Variants in SEMA3A observed in about 807,000 individuals in gnomAD.
SEMA3A encodes the protein semaphorin-3A.
In SEMA3A, 29 loss-of-function variants were observed where a neutral mutation model predicts 97.9. The observed-to-expected ratio is 0.30, with a 90% CI of 0.22 to 0.40. SEMA3A has a LOEUF of 0.40. SEMA3A is among the 10% of genes least tolerant of loss of function. The pLI, the probability that SEMA3A is intolerant of heterozygous loss-of-function variation, is 1.00. For missense variants in SEMA3A, 763 were observed against 951.3 expected (o/e 0.80, Z 2.60); for synonymous variants, 321 against 323.7 (o/e 0.99, Z 0.09).
chr7:84,196,353 TTC>T (rs60887913), upstream of SEMA3A, among the ~76,000 whole-genome samples: 13,959 of 148,494 alleles, frequency 0.094, 770 homozygotes, highest in East Asian at 0.27. Context: ...TCGCTCTGCT[TTC>T]TCTCTCTCTC....
chr7:84,273,429 A>T (rs1309315671), intron 3 of SEMA3A, among the ~76,000 whole-genome samples: 1 of 152,128 alleles, frequency 6.6e-6, no homozygotes, highest in Non-Finnish European at 1.5e-5. Context: ...AAACAACTAG[A>T]CTAGCTACTG....
chr7:84,226,463 C>T (rs1340200464), intron 3 of SEMA3A, among the ~76,000 whole-genome samples: 4 of 152,088 alleles, frequency 2.6e-5, no homozygotes, highest in South Asian at 4.1e-4. Flanking sequence ...TAAGGCATAG[C>T]AAACAAGAAT....
upstream of SEMA3A, among the ~76,000 whole-genome samples, chr7:84,197,730 CTTTTTT>C (rs139403623): frequency 1.0e-4 from 7 of 69,358 alleles, no homozygotes; most frequent in South Asian, 3.9e-3. Context: ...AAAGATCACT[CTTTTTT>C]TTTTTTTTTT....
chr7:83,991,256 C>G (rs567546156), intron 12 of SEMA3A, among the ~76,000 whole-genome samples: 2 of 152,034 alleles, frequency 1.3e-5, no homozygotes, highest in African/African-American at 4.8e-5. Flanking sequence ...ACGATCATGT[C>G]GTCTGCAAAC....
chr7:84,019,001 A>T (rs2116433769), intron 6 of SEMA3A, among the ~76,000 whole-genome samples: 1 of 152,352 alleles, frequency 6.6e-6, no homozygotes, highest in East Asian at 1.9e-4. Context: ...GGTGGCTGTC[A>T]TAGAAACTCA....
At position 84,202,307 on chromosome 7, in the gene SEMA3A, G is replaced by A. The variant is rs781264533; in HGVS notation, c.-82-7639C>T. Among the ~76,000 whole-genome samples the A allele has an allele frequency of 8.5e-5, 13 of 152,174 alleles. No homozygotes were observed. The South Asian group carries it at 2.3e-3, about 27-fold the overall frequency. ...TTAAGTCATTCCACATTGCATACAT[G>A]CTTTAAAACAATATGTCCTATACAG... On this transcript the variant is annotated intron_variant, in intron 3 of 3. Transcript: ENST00000424555.
chr7:84,050,301 T>G (rs1200542075), intron 5 of SEMA3A, among the ~76,000 whole-genome samples: 1 of 152,212 alleles, frequency 6.6e-6, no homozygotes, highest in Admixed American at 6.5e-5. Flanking sequence ...TCCACAATGG[T>G]TGAACTAGTT....
At chr7:84,247,540 G>A (rs1307801875) in intron 3 of SEMA3A, among the ~76,000 whole-genome samples, 2 of 152,112 alleles carry the variant, frequency 1.3e-5, no homozygotes, top group Non-Finnish European at 2.9e-5. Context: ...GTTAAGAAGG[G>A]TTAAGCCAAT....
At chr7:83,996,259 T>C (rs960011840) in intron 12 of SEMA3A, among the ~76,000 whole-genome samples, 9 of 152,092 alleles carry the variant, frequency 5.9e-5, no homozygotes, top group African/African-American at 1.9e-4. Context: ...GAGATTTTCA[T>C]TTGTATAACT....
chr7:84,158,319 T>A (rs2116153756), intron 1 of SEMA3A, among the ~76,000 whole-genome samples: 1 of 151,976 alleles, frequency 6.6e-6, no homozygotes, highest in Non-Finnish European at 1.5e-5. Context: ...CACACCGGGC[T>A]AATTTTTGTA....
At chr7:84,317,134 C>T (rs1801526613) in intron 2 of SEMA3A, among the ~76,000 whole-genome samples, 1 of 152,104 alleles carries the variant, frequency 6.6e-6, no homozygotes, top group African/African-American at 2.4e-5. Flanking sequence ...CACAATGTAG[C>T]CTTGAGGGAC....
At chr7:84,322,911 T>C (rs1466600536) in intron 2 of SEMA3A, among the ~76,000 whole-genome samples, 3 of 152,198 alleles carry the variant, frequency 2.0e-5, no homozygotes, top group Non-Finnish European at 2.9e-5. Flanking sequence ...GAGAATAGCA[T>C]GGCAGGTATG....
At chr7:84,230,022 C>T (rs532713156) in intron 3 of SEMA3A, among the ~76,000 whole-genome samples, 3 of 151,960 alleles carry the variant, frequency 2.0e-5, no homozygotes, top group African/African-American at 7.2e-5. Flanking sequence ...AACAGAATGC[C>T]CTAAGTAAGT....
chr7:84,013,069 G>A (rs1359866098), intron 7 of SEMA3A, among the ~76,000 whole-genome samples: 1 of 151,862 alleles, frequency 6.6e-6, no homozygotes, highest in Non-Finnish European at 1.5e-5. Flanking sequence ...TGGGGTAACG[G>A]GTCACACATA....
chr7:84,294,045 T>A (rs571780126), intron 3 of SEMA3A, among the ~76,000 whole-genome samples: 29 of 152,214 alleles, frequency 1.9e-4, no homozygotes, highest in Non-Finnish European at 3.8e-4. Context: ...TCAATCAAGG[T>A]AAAATATTCA....
At chr7:84,083,293 T>A (rs552817453) in intron 4 of SEMA3A, among the ~76,000 whole-genome samples, 1 of 152,128 alleles carries the variant, frequency 6.6e-6, no homozygotes, top group African/African-American at 2.4e-5. Context: ...TATTTCTTTT[T>A]TATTTTTTTC....
chr7:84,060,575 G>A lies in SEMA3A; in HGVS notation c.454-17C>T, dbSNP rs11974145. Reference sequence around the variant, plus strand: ...AATATTGTCCTGTGGATTTAAAAAAGAAAGAGAAAAGGGTTTCCTTTATAT... The same window carrying A: ...AATATTGTCCTGTGGATTTAAAAAAAAAAGAGAAAAGGGTTTCCTTTATAT... On this transcript the variant is annotated splice_polypyrimidine_tract_variant and intron_variant, in intron 4 of 16. Coordinates refer to ENST00000265362, the MANE Select transcript of SEMA3A (RefSeq NM_006080.3). 1.3e-6 allele frequency: 2 copies of A among 1,505,416 alleles called. No homozygotes were observed. Among genetic ancestry groups the A allele is most frequent in the East Asian group, 4.9e-5 (2 of 41,170 alleles). 93.3% of individuals were successfully genotyped at this position (1,505,416 alleles called of 1,614,324 possible). A position where few individuals can be genotyped will look rare whatever the true frequency, so the allele number is the denominator to read the frequency against.
chr7:84,150,386 C>T lies in SEMA3A; in HGVS notation c.113-15435G>A, dbSNP rs1049176731. Among the ~76,000 whole-genome samples the T allele has an allele frequency of 7.9e-5, 12 of 152,290 alleles. No individual in the cohort carries two copies. In the South Asian group the frequency reaches 1.2e-3, roughly 16 times the overall value. ...GGGCGCAGGTCAGTGGGTGCGCACA[C>T]TGTGCGCGAGCCGAAGCAGGGCGAG... On this transcript the variant is annotated intron_variant, in intron 1 of 16. Transcript: ENST00000265362.
intron 1 of SEMA3A, among the ~76,000 whole-genome samples, chr7:84,152,958 T>C (rs1003666544): frequency 2.6e-5 from 4 of 152,144 alleles, no homozygotes; most frequent in African/African-American, 9.7e-5. Flanking sequence ...TGTTATTTTA[T>C]CATTTCTAAG....
Sources: gnomAD v4.1 joint callset for allele counts (sites outside exome capture counted in the v4.1 genomes callset) on GRCh38, gnomAD v4.1.1 for gene constraint, MANE v1.5 for transcripts, NCBI Gene and HGNC (gene_info 2026-07-23, HGNC 2026-07-21) for gene names.